The following GLIS3 variants were observed in gnomAD, a reference collection of about 807,000 sequenced individuals.
GLIS3 encodes the protein zinc finger protein GLIS3.
Under a neutral mutation model 78.6 loss-of-function variants are expected in GLIS3, and 53 were observed. The ratio of observed to expected loss-of-function variants is 0.67; its 90% CI spans 0.54 to 0.85. GLIS3 has a LOEUF of 0.85. Among genes scored for constraint, GLIS3 ranks in the 40% least tolerant of loss-of-function variants. The probability of loss-of-function intolerance (pLI) is 0.00; values close to 1 mark genes in which losing one functional copy is unlikely to be tolerated. For synonymous variants in GLIS3, 684 were observed against 509.9 expected, an observed-to-expected ratio of 1.34 and a Z score of -4.60; for missense variants, 1,703 against 1,231.1, an observed-to-expected ratio of 1.38 and a Z score of -5.74.
the GLIS3 span, among the ~76,000 whole-genome samples, chr9:4,461,572 C>G: frequency 1.3e-5 from 2 of 152,204 alleles, no homozygotes; most frequent in African/African-American, 4.8e-5. Context: ...TGCTACTCCT[C>G]CCTCCAAAAT....
intron 2 of GLIS3, among the ~76,000 whole-genome samples, chr9:4,219,775 C>G (rs1383218747): frequency 6.6e-6 from 1 of 152,132 alleles, no homozygotes; most frequent in Admixed American, 6.6e-5. Context: ...ATCGGCAGCA[C>G]GTGCAGCAGG....
chr9:4,120,901 A>C (rs1832125095), intron 3 of GLIS3, among the ~76,000 whole-genome samples: 1 of 152,244 alleles, frequency 6.6e-6, no homozygotes, highest in Non-Finnish European at 1.5e-5. Flanking sequence ...GCCTATAGTG[A>C]AACGTTCATT....
chr9:4,256,379 T>C (rs190728838), intron 2 of GLIS3, among the ~76,000 whole-genome samples: 3 of 152,282 alleles, frequency 2.0e-5, no homozygotes, highest in Admixed American at 1.3e-4. Flanking sequence ...GCTAAGAAAA[T>C]ACCTGGACAA....
At position 3,898,843 on chromosome 9, in the gene GLIS3, G is replaced by A; in HGVS notation, c.1984-8C>T. Reference sequence around the variant, plus strand: ...CTCTGTGCTGGACCGCAACTAAGAGGACAAAACGGAAGAGACATCGATAAG... The same window carrying A: ...CTCTGTGCTGGACCGCAACTAAGAGAACAAAACGGAAGAGACATCGATAAG... On this transcript the variant is annotated splice_polypyrimidine_tract_variant and splice_region_variant and intron_variant, in intron 6 of 10. Coordinates refer to ENST00000381971, the MANE Select transcript of GLIS3 (RefSeq NM_001042413.2). The A allele has an allele frequency of 6.2e-7, 1 of 1,613,920 alleles. No individual in the cohort carries two copies. Among genetic ancestry groups the A allele is most frequent in the Non-Finnish European group, 8.5e-7 (1 of 1,180,024 alleles).
chr9:4,260,135 G>C (rs1448354637), intron 2 of GLIS3, among the ~76,000 whole-genome samples: 2 of 152,216 alleles, frequency 1.3e-5, no homozygotes, highest in African/African-American at 2.4e-5. Flanking sequence ...GTCTGATTAA[G>C]GTTCTTAAAA....
At position 3,997,760 on chromosome 9, in the gene GLIS3, T is replaced by G. The variant is rs535150964; in HGVS notation, c.1711-60571A>C. On this transcript the variant is annotated intron_variant, in intron 4 of 10. Transcript: ENST00000381971. ...AAACATCAAACTTAGTGGGGAAATA[T>G]TTCTCTAAATGTCTTTAAAGGAAAT... Among the ~76,000 whole-genome samples the G allele has an allele frequency of 2.0e-5, 3 of 152,216 alleles. No individual in the cohort carries two copies. The South Asian group carries it at 6.2e-4, about 32-fold the overall frequency.
chr9:4,217,356 T>TTAAAAA (rs1820946606), intron 2 of GLIS3, among the ~76,000 whole-genome samples: 3 of 152,192 alleles, frequency 2.0e-5, no homozygotes, highest in African/African-American at 7.2e-5. Flanking sequence ...ACTTGTTTAG[T>TTAAAAA]CTTCATCCCA....
At chr9:4,390,121 G>C in the GLIS3 span, among the ~76,000 whole-genome samples, 1 of 152,244 alleles carries the variant, frequency 6.6e-6, no homozygotes, top group African/African-American at 2.4e-5. Context: ...CCACGGACAT[G>C]TATAGATGCC....
At chr9:4,175,310 C>G (rs1012461877) in intron 2 of GLIS3, among the ~76,000 whole-genome samples, 3 of 152,130 alleles carry the variant, frequency 2.0e-5, no homozygotes, top group African/African-American at 7.2e-5. Flanking sequence ...TCTGAAAGGA[C>G]AAAGAAGGGA....
At chr9:3,968,217 T>C (rs1449530100) in intron 4 of GLIS3, among the ~76,000 whole-genome samples, 1 of 152,196 alleles carries the variant, frequency 6.6e-6, no homozygotes, top group Non-Finnish European at 1.5e-5. Context: ...AGGAGCAGAA[T>C]GATCGTCAGC....
intron 6 of GLIS3, among the ~76,000 whole-genome samples, chr9:3,910,660 G>A (rs1444310989): frequency 6.6e-6 from 1 of 152,180 alleles, no homozygotes; most frequent in Non-Finnish European, 1.5e-5. Flanking sequence ...CAGGTAAGAG[G>A]ACACTTAGGT....
chr9:4,222,429 T>C (rs1821410265), intron 2 of GLIS3, among the ~76,000 whole-genome samples: 1 of 152,184 alleles, frequency 6.6e-6, no homozygotes, highest in South Asian at 2.1e-4. Flanking sequence ...CAGGCAAGAA[T>C]GAGATGCTTA....
At chr9:4,310,073 A>T (rs1817323687) in intron 3 of GLIS3, among the ~76,000 whole-genome samples, 1 of 152,186 alleles carries the variant, frequency 6.6e-6, no homozygotes, top group African/African-American at 2.4e-5. Flanking sequence ...CCATCAGAGA[A>T]TGTTTTTAAG....
intron 2 of GLIS3, among the ~76,000 whole-genome samples, chr9:4,129,489 G>A (rs1357651640): frequency 1.3e-5 from 2 of 152,060 alleles, no homozygotes; most frequent in East Asian, 3.9e-4. Flanking sequence ...CTTTGGTGCT[G>A]TTTTCATGAT....
intron 6 of GLIS3, among the ~76,000 whole-genome samples, chr9:3,930,857 T>G (rs1007016531): frequency 6.6e-6 from 1 of 152,194 alleles, no homozygotes; most frequent in Non-Finnish European, 1.5e-5. Context: ...AACTATCATT[T>G]ATTACTTCAA....
At chr9:3,846,649 G>T (rs1819062813) in intron 9 of GLIS3, among the ~76,000 whole-genome samples, 1 of 152,156 alleles carries the variant, frequency 6.6e-6, no homozygotes, top group South Asian at 2.1e-4. Flanking sequence ...CTTAAGCAAA[G>T]GACTGGTATC....
the GLIS3 span, among the ~76,000 whole-genome samples, chr9:4,406,194 A>G: frequency 6.6e-6 from 1 of 152,186 alleles, no homozygotes; most frequent in Non-Finnish European, 1.5e-5. Context: ...CGTCACAATT[A>G]TTCAACGTAG....
intron 4 of GLIS3, among the ~76,000 whole-genome samples, chr9:3,945,363 C>T (rs547754062): frequency 4.6e-5 from 7 of 152,284 alleles, no homozygotes; most frequent in African/African-American, 1.4e-4. Flanking sequence ...TTATTTCAGA[C>T]TCTTAAGTAC....
chr9:4,375,723 T>C, the GLIS3 span, among the ~76,000 whole-genome samples: 1 of 152,182 alleles, frequency 6.6e-6, no homozygotes, highest in Non-Finnish European at 1.5e-5. Context: ...ATAAAACAAA[T>C]GTTAAGAGTA....
Sources: gnomAD v4.1 joint callset for allele counts (sites outside exome capture counted in the v4.1 genomes callset) on GRCh38, gnomAD v4.1.1 for gene constraint, MANE v1.5 for transcripts, NCBI Gene and HGNC (gene_info 2026-07-23, HGNC 2026-07-21) for gene names.